NPAS3: variants seen among roughly 807,000 people sequenced by gnomAD.
NPAS3 encodes neuronal PAS domain-containing protein 3.
In NPAS3, 14 loss-of-function variants were observed where a neutral mutation model predicts 73.1. That is an observed-to-expected ratio of 0.19 (90% CI 0.13 to 0.30). NPAS3 has a LOEUF of 0.30. Ranked by LOEUF, NPAS3 falls within the 10% of genes least tolerant of loss-of-function variation. The pLI is 1.00. For synonymous variants in NPAS3, 620 were observed against 541.5 expected (o/e 1.14, Z -2.01); for missense variants, 1,096 against 1,250.0 (o/e 0.88, Z 1.86).
intron 4 of NPAS3, among the ~76,000 whole-genome samples, chr14:33,526,213 T>C (rs2053794973): frequency 6.6e-6 from 1 of 152,160 alleles, no homozygotes; most frequent in African/African-American, 2.4e-5. Flanking sequence ...TTCACTCTAC[T>C]TCAGCTGGAC....
At chr14:33,367,458 A>G (rs2045895792) in intron 4 of NPAS3, among the ~76,000 whole-genome samples, 190 bp downstream of exon 4, 1 of 152,152 alleles carries the variant, frequency 6.6e-6, no homozygotes, top group Non-Finnish European at 1.5e-5. Flanking sequence ...GAGAATGTTA[A>G]TGAGAAAGGG....
intron 3 of NPAS3, among the ~76,000 whole-genome samples, chr14:33,264,344 C>T (rs1044434434): frequency 4.6e-5 from 7 of 151,910 alleles, no homozygotes; most frequent in African/African-American, 1.7e-4. Context: ...ATGGGTGCAG[C>T]ACACCAACAT....
intron 5 of NPAS3, among the ~76,000 whole-genome samples, chr14:33,611,406 T>C (rs1439749987): frequency 6.6e-6 from 1 of 152,150 alleles, no homozygotes; most frequent in Non-Finnish European, 1.5e-5. Flanking sequence ...GATGACAACA[T>C]CTGAATCTTG....
At chr14:33,657,629 G>A (rs72682354) in intron 5 of NPAS3, among the ~76,000 whole-genome samples, 4,644 of 152,190 alleles carry the variant, frequency 0.031, 86 homozygotes, top group South Asian at 0.055. Flanking sequence ...AAGAGGAAGC[G>A]GGAGTCAGGC....
intron 2 of NPAS3, among the ~76,000 whole-genome samples, chr14:33,207,180 C>A (rs2046851557): frequency 6.6e-6 from 1 of 150,452 alleles, no homozygotes; most frequent in African/African-American, 2.4e-5. Context: ...GGGGGATGAA[C>A]AATACAGATT....
chr14:33,768,766 A>G (rs1332516833), intron 7 of NPAS3, among the ~76,000 whole-genome samples: 2 of 152,306 alleles, frequency 1.3e-5, no homozygotes, highest in East Asian at 1.9e-4. Context: ...TCCCAATACA[A>G]TGTTATTTTT....
intron 1 of NPAS3, among the ~76,000 whole-genome samples, chr14:32,992,040 A>G (rs1306436359): frequency 1.3e-5 from 2 of 152,228 alleles, no homozygotes; most frequent in East Asian, 3.8e-4. Context: ...GAAGAGCCAG[A>G]TTACACTTAG....
intron 7 of NPAS3, among the ~76,000 whole-genome samples, chr14:33,771,538 G>A (rs796963735): frequency 1.4e-4 from 22 of 152,222 alleles, no homozygotes; most frequent in African/African-American, 4.1e-4. Context: ...GTGGCTGGGC[G>A]CTGTGGCTCA....
intron 4 of NPAS3, among the ~76,000 whole-genome samples, chr14:33,496,586 C>A (rs1595028519): frequency 6.6e-6 from 1 of 152,240 alleles, no homozygotes; most frequent in East Asian, 1.9e-4. Context: ...ATAAACATAA[C>A]CAGTGACAAA....
chr14:33,589,875 A>C (rs2056999710), intron 5 of NPAS3, among the ~76,000 whole-genome samples: 1 of 152,174 alleles, frequency 6.6e-6, no homozygotes, highest in South Asian at 2.1e-4. Flanking sequence ...TGTTTTGTTG[A>C]GATGCAGATA....
chr14:33,775,049 A>G (rs1324284222), intron 8 of NPAS3, among the ~76,000 whole-genome samples: 2 of 152,232 alleles, frequency 1.3e-5, no homozygotes, highest in Non-Finnish European at 2.9e-5. Context: ...ATAAATTAAA[A>G]AAAGATGACT....
intron 1 of NPAS3, among the ~76,000 whole-genome samples, chr14:32,979,697 T>A (rs980176918): frequency 2.6e-5 from 4 of 152,206 alleles, no homozygotes; most frequent in Non-Finnish European, 5.9e-5. Context: ...CATATTACAA[T>A]GAATATTTAA....
intron 3 of NPAS3, among the ~76,000 whole-genome samples, chr14:33,333,617 G>C (rs959180313): frequency 6.6e-6 from 1 of 152,096 alleles, no homozygotes; most frequent in African/African-American, 2.4e-5. Flanking sequence ...ATTGCATTTA[G>C]TATGGAAGAA....
chr14:33,004,661 A>C (rs1333194248), intron 1 of NPAS3, among the ~76,000 whole-genome samples: 1 of 152,078 alleles, frequency 6.6e-6, no homozygotes, highest in African/African-American at 2.4e-5. Context: ...ACCTTAGCTT[A>C]CTATAACTAT....
chr14:32,972,800 G>A (rs1397471904), intron 1 of NPAS3, among the ~76,000 whole-genome samples: 1 of 152,118 alleles, frequency 6.6e-6, no homozygotes, highest in Admixed American at 6.6e-5. Context: ...AACTGGAAAT[G>A]GATAGAAGTG....
intron 9 of NPAS3, among the ~76,000 whole-genome samples, chr14:33,790,746 G>A (rs1566545549): frequency 2.0e-5 from 3 of 152,062 alleles, no homozygotes; most frequent in East Asian, 1.9e-4. Flanking sequence ...TCAGCTCACC[G>A]CAACCTCCGC....
At chr14:33,085,885 CTAAA>C (rs776333413) in intron 2 of NPAS3, among the ~76,000 whole-genome samples, 35 of 152,248 alleles carry the variant, frequency 2.3e-4, no homozygotes, top group South Asian at 6.2e-4. Flanking sequence ...AATTCATTGA[CTAAA>C]TATTATGATG....
intron 3 of NPAS3, among the ~76,000 whole-genome samples, chr14:33,344,505 C>G (rs1281351545): frequency 2.6e-5 from 4 of 152,146 alleles, no homozygotes; most frequent in African/African-American, 9.7e-5. Flanking sequence ...AACCATATCT[C>G]TTTTTATTCC....
intron 6 of NPAS3, among the ~76,000 whole-genome samples, chr14:33,690,000 A>G (rs146804016): frequency 7.3e-4 from 111 of 152,188 alleles, no homozygotes; most frequent in African/African-American, 2.6e-3. Flanking sequence ...TAGCTGATGA[A>G]TAGTGTATAT....
Sources: allele counts gnomAD v4.1 joint callset (sites outside exome capture counted in the v4.1 genomes callset), GRCh38; gene constraint gnomAD v4.1.1; transcripts MANE v1.5; gene names NCBI Gene and HGNC (gene_info 2026-07-23, HGNC 2026-07-21).